AGFG1: variants seen among roughly 807,000 people sequenced by gnomAD.
The protein encoded by AGFG1 is ArfGAP with FG repeats 1, also known as arf-GAP domain and FG repeat-containing protein 1.
A neutral mutation model predicts 60.6 loss-of-function variants in AGFG1; 10 were observed. The observed-to-expected ratio is 0.16, with a 90% CI of 0.10 to 0.28. The LOEUF (loss-of-function observed/expected upper bound fraction) is 0.28, where lower values mean the gene tolerates loss of function less well. Ranked by LOEUF, AGFG1 falls within the 10% of genes least tolerant of loss-of-function variation. The pLI is 1.00. For missense variants in AGFG1, 537 were observed against 676.5 expected, an observed-to-expected ratio of 0.79 and a Z score of 2.29; for synonymous variants, 247 against 242.9, an observed-to-expected ratio of 1.02 and a Z score of -0.16.
intron 3 of AGFG1, among the ~76,000 whole-genome samples, chr2:227,523,155 G>A (rs1691873148): frequency 6.6e-6 from 1 of 152,134 alleles, no homozygotes; most frequent in East Asian, 1.9e-4. Flanking sequence ...TTAGTAGGTA[G>A]CAATAAAAAA....
At chr2:227,533,486 A>C in intron 6 of AGFG1, 63 bp from the exon 7 acceptor site, 21 of 1,343,200 alleles carry the variant, frequency 1.6e-5, no homozygotes, top group Non-Finnish European at 2.2e-5. Flanking sequence ...ATGATCATAC[A>C]GTCTATGAGA....
At chr2:227,490,344 C>T (rs976807568) in intron 1 of AGFG1, among the ~76,000 whole-genome samples, 47 of 151,970 alleles carry the variant, frequency 3.1e-4, no homozygotes, top group Admixed American at 2.0e-4. Context: ...TTTGGGAGGC[C>T]GAGGCAGGTG....
At chr2:227,501,164 T>C (rs1466375504) in intron 2 of AGFG1, among the ~76,000 whole-genome samples, 3 of 152,030 alleles carry the variant, frequency 2.0e-5, no homozygotes, top group Non-Finnish European at 4.4e-5. Context: ...AACTGCAACT[T>C]CCACCTCCTG....
chr2:227,523,958 G>C (rs183979520), intron 4 of AGFG1, 33 bp downstream of exon 4: 7 of 1,573,654 alleles, frequency 4.4e-6, no homozygotes, highest in African/African-American at 4.0e-5. Flanking sequence ...TAGGGAATTC[G>C]ACTTAAAGAG....
chr2:227,535,476 G>C (rs922595389), intron 8 of AGFG1, among the ~76,000 whole-genome samples: 3 of 152,194 alleles, frequency 2.0e-5, no homozygotes, highest in Admixed American at 2.0e-4. Flanking sequence ...TCTCTTCAGT[G>C]TCATCCTCAT....
intron 5 of AGFG1, among the ~76,000 whole-genome samples, chr2:227,529,870 T>C (rs1180589257): frequency 6.6e-6 from 1 of 151,860 alleles, no homozygotes; most frequent in Non-Finnish European, 1.5e-5. Context: ...TTTAGGATAC[T>C]AGATATATTG....
intron 5 of AGFG1, among the ~76,000 whole-genome samples, chr2:227,526,308 C>G (rs994355925): frequency 1.3e-5 from 2 of 152,138 alleles, no homozygotes; most frequent in Non-Finnish European, 2.9e-5. Context: ...ATTCTCTCAC[C>G]TCAGCCTCCC....
chr2:227,507,602 CAAAAAA>C (rs1162277041), intron 2 of AGFG1, among the ~76,000 whole-genome samples: 16 of 61,582 alleles, frequency 2.6e-4, no homozygotes, highest in Non-Finnish European at 4.5e-4. Flanking sequence ...GACTCTGTCT[CAAAAAA>C]AAAAAAAAAA....
At chr2:227,535,228 CGTTTT>C (rs1692273384) in intron 8 of AGFG1, among the ~76,000 whole-genome samples, 1 of 152,048 alleles carries the variant, frequency 6.6e-6, no homozygotes, top group Admixed American at 6.6e-5. Flanking sequence ...TTGAATCAGA[CGTTTT>C]GTTATGTTCT....
chr2:227,504,188 AT>A (rs111498312), intron 2 of AGFG1, among the ~76,000 whole-genome samples: 3,477 of 138,498 alleles, frequency 0.025, 57 homozygotes, highest in Non-Finnish European at 0.037. Context: ...CTTGGTGTAA[AT>A]TTTTTTTTTT....
intron 2 of AGFG1, among the ~76,000 whole-genome samples, chr2:227,498,000 C>A (rs1281699441): frequency 6.6e-6 from 1 of 151,932 alleles, no homozygotes; most frequent in East Asian, 1.9e-4. Flanking sequence ...TTTTCCCTGA[C>A]CTTCATTTTC....
rs140276091 is a variant in AGFG1, at chr2:227,509,806, A to C, written c.262-10142A>C. On this transcript the variant is annotated intron_variant, in intron 2 of 12. Transcript: ENST00000310078. ...CAGTAAAACACAAAGAGTGATTACT[A>C]TAGAAAATACAGCCAAATAGCCAAC... Among the ~76,000 whole-genome samples, 704 of 152,332 alleles carry C rather than the reference A, an allele frequency of 4.6e-3. 3 individuals are homozygous for C. Among genetic ancestry groups the C allele is most frequent in the Non-Finnish European group, 6.3e-3 (429 of 68,040 alleles).
intron 2 of AGFG1, among the ~76,000 whole-genome samples, chr2:227,518,060 A>T (rs1198863597): frequency 6.6e-6 from 1 of 152,216 alleles, no homozygotes; most frequent in East Asian, 1.9e-4. Context: ...TATGCAGTAT[A>T]TACGTTTTGG....
intron 8 of AGFG1, 148 bp from the exon 9 acceptor site, chr2:227,536,477 A>C (rs1383945495): frequency 5.1e-6 from 3 of 592,890 alleles, no homozygotes; most frequent in East Asian, 5.8e-5. Context: ...ATTTTATTAC[A>C]TCTTTACACT....
intron 1 of AGFG1, among the ~76,000 whole-genome samples, chr2:227,475,440 AG>A (rs909949914): frequency 6.6e-6 from 1 of 152,228 alleles, no homozygotes; most frequent in African/African-American, 2.4e-5. Context: ...TAGGGAATGA[AG>A]ACTAGAGTGG....
At chr2:227,535,180 T>C (rs751416372) in intron 8 of AGFG1, among the ~76,000 whole-genome samples, 155 bp downstream of exon 8, 6 of 152,222 alleles carry the variant, frequency 3.9e-5, no homozygotes, top group Non-Finnish European at 2.9e-5. Context: ...CTAATTAAAA[T>C]ATAATCCTTG....
intron 1 of AGFG1, among the ~76,000 whole-genome samples, chr2:227,485,403 A>ATT (rs10718894): frequency 4.4e-5 from 6 of 135,402 alleles, no homozygotes; most frequent in Admixed American, 7.4e-5. Flanking sequence ...TGCCCAGCTA[A>ATT]TTTTTTTTTT....
At chr2:227,498,164 C>T (rs1431416499) in intron 2 of AGFG1, among the ~76,000 whole-genome samples, 3 of 151,552 alleles carry the variant, frequency 2.0e-5, no homozygotes, top group Non-Finnish European at 2.9e-5. Flanking sequence ...TTTTTTTCCC[C>T]AGGTTTGGTA....
intron 1 of AGFG1, among the ~76,000 whole-genome samples, chr2:227,482,935 C>A (rs1489091619): frequency 6.7e-6 from 1 of 150,146 alleles, no homozygotes. Context: ...AACCAGTTAA[C>A]TTGCAAACAT....
Sources: gnomAD v4.1 joint callset for allele counts (sites outside exome capture counted in the v4.1 genomes callset) on GRCh38, gnomAD v4.1.1 for gene constraint, MANE v1.5 for transcripts, NCBI Gene and HGNC (gene_info 2026-07-23, HGNC 2026-07-21) for gene names.